DDR2: variants seen among roughly 807,000 people sequenced by gnomAD.
DDR2 encodes discoidin domain-containing receptor 2.
Under a neutral mutation model 94.9 loss-of-function variants are expected in DDR2, and 27 were observed. That is an observed-to-expected ratio of 0.28 (90% CI 0.21 to 0.39). DDR2 has a LOEUF of 0.39. Ranked by LOEUF, DDR2 falls within the 10% of genes least tolerant of loss-of-function variation. The pLI, the probability that DDR2 is intolerant of heterozygous loss-of-function variation, is 1.00. For missense variants in DDR2, 783 were observed against 1,076.0 expected, an observed-to-expected ratio of 0.73 and a Z score of 3.81; for synonymous variants, 382 against 377.2, an observed-to-expected ratio of 1.01 and a Z score of -0.15.
chr1:162,731,369 C>A (rs1343052033), intron 3 of DDR2, among the ~76,000 whole-genome samples: 3 of 152,058 alleles, frequency 2.0e-5, no homozygotes, highest in Non-Finnish European at 2.9e-5. Context: ...TTCCTATTTT[C>A]TTTTTCCTTT....
chr1:162,768,998 A>G (rs1479169465), intron 11 of DDR2, among the ~76,000 whole-genome samples: 1 of 152,214 alleles, frequency 6.6e-6, no homozygotes, highest in Non-Finnish European at 1.5e-5. Flanking sequence ...TGAAGAGGAT[A>G]TGTGACCTTC....
At chr1:162,649,586 C>G (rs2101900395) in intron 1 of DDR2, among the ~76,000 whole-genome samples, 1 of 152,314 alleles carries the variant, frequency 6.6e-6, no homozygotes, top group South Asian at 2.1e-4. Flanking sequence ...TCTGCAATTT[C>G]TCTACTCTGC....
rs958050945 is a variant in DDR2, at chr1:162,710,085, A to G, written c.-27-8952A>G. On this transcript the variant is annotated intron_variant, in intron 2 of 17. Transcript: ENST00000367921. ...TGCCCCTGGAAGAGGGATGTTTTCT[A>G]TAATAGTCATGTGACTCAACATCTT... Among the ~76,000 whole-genome samples the G allele has an allele frequency of 2.6e-5, 4 of 152,202 alleles. No homozygotes were observed. The South Asian group carries it at 6.2e-4, about 24-fold the overall frequency.
At chr1:162,779,187 A>G (rs934096110) in intron 17 of DDR2, among the ~76,000 whole-genome samples, 1 of 152,182 alleles carries the variant, frequency 6.6e-6, no homozygotes, top group Non-Finnish European at 1.5e-5. Context: ...GGGCAGATAT[A>G]TCCTAAACTT....
chr1:162,653,332 T>A (rs1246752689), intron 1 of DDR2, among the ~76,000 whole-genome samples: 1 of 152,064 alleles, frequency 6.6e-6, no homozygotes, highest in Non-Finnish European at 1.5e-5. Flanking sequence ...ATCCCAGCAC[T>A]TTGGGAGGCC....
chr1:162,706,408 G>A (rs956789227), intron 2 of DDR2, among the ~76,000 whole-genome samples: 105 of 152,310 alleles, frequency 6.9e-4, no homozygotes, highest in African/African-American at 2.3e-3. Flanking sequence ...CATCGTCTGA[G>A]CCCACAGGTG....
intron 3 of DDR2, 176 bp downstream of exon 3, chr1:162,719,321 G>A (rs1483508269): frequency 7.8e-6 from 6 of 766,102 alleles, no homozygotes; most frequent in Non-Finnish European, 9.5e-6. Flanking sequence ...TTATATATAT[G>A]TATTTTAATA....
At chr1:162,728,186 A>G (rs986968864) in intron 3 of DDR2, among the ~76,000 whole-genome samples, 2 of 143,934 alleles carry the variant, frequency 1.4e-5, no homozygotes, top group African/African-American at 5.2e-5. Flanking sequence ...ATCTCTTTAT[A>G]TATATATAGA....
chr1:162,762,153 A>G (rs1045193598), intron 9 of DDR2, among the ~76,000 whole-genome samples: 1 of 152,204 alleles, frequency 6.6e-6, no homozygotes, highest in East Asian at 1.9e-4. Context: ...GAGTTTCTTT[A>G]TTCTATTTGC....
At chr1:162,728,092 T>A (rs1054896022) in intron 3 of DDR2, among the ~76,000 whole-genome samples, 19 of 138,072 alleles carry the variant, frequency 1.4e-4, no homozygotes, top group Non-Finnish European at 2.6e-4. Flanking sequence ...ATAGATATAA[T>A]CACACTATAT....
At chr1:162,708,542 CA>C (rs1178418794) in intron 2 of DDR2, among the ~76,000 whole-genome samples, 1 of 152,168 alleles carries the variant, frequency 6.6e-6, no homozygotes, top group East Asian at 1.9e-4. Context: ...CACTCTCACT[CA>C]CGGTATTGAT....
intron 3 of DDR2, among the ~76,000 whole-genome samples, chr1:162,729,477 T>A (rs1335654935): frequency 6.7e-6 from 1 of 148,798 alleles, no homozygotes. Flanking sequence ...TCAGTGAGGT[T>A]TTTTTATGAG....
Position 162,722,393 on chromosome 1 carries a change from A to G in DDR2, c.82+3248A>G, listed in dbSNP as rs73024584. Among the ~76,000 whole-genome samples, 550 of 152,326 alleles carry G rather than the reference A, an allele frequency of 3.6e-3. 2 individuals are homozygous for G. Among genetic ancestry groups the G allele is most frequent in the African/African-American group, 0.012 (518 of 41,578 alleles). ...ATATACATAGTCCTGAATTGTGGGC[A>G]GAGTTCTCAGCTATCTTCCAGCTGC... On this transcript the variant is annotated intron_variant, in intron 3 of 17. Transcript: ENST00000367921.
chr1:162,778,285 T>C (rs1647700610), intron 16 of DDR2, among the ~76,000 whole-genome samples: 1 of 152,168 alleles, frequency 6.6e-6, no homozygotes, highest in Non-Finnish European at 1.5e-5. Flanking sequence ...TCAGGAGCAT[T>C]TTCCCAAGGC....
chr1:162,641,577 A>G (rs991682064), intron 1 of DDR2, among the ~76,000 whole-genome samples: 2 of 152,156 alleles, frequency 1.3e-5, no homozygotes, highest in Non-Finnish European at 2.9e-5. Flanking sequence ...CTCTCACTGT[A>G]TATTAGATTA....
intron 2 of DDR2, among the ~76,000 whole-genome samples, chr1:162,711,744 C>T (rs1322408216): frequency 6.6e-6 from 1 of 152,082 alleles, no homozygotes. Flanking sequence ...TGTTTCTCTT[C>T]ATATCTATAT....
chr1:162,766,285 T>C (rs1663985756), intron 10 of DDR2, among the ~76,000 whole-genome samples: 2 of 152,224 alleles, frequency 1.3e-5, no homozygotes, highest in South Asian at 2.1e-4. Flanking sequence ...AGGCAGAGTC[T>C]GGAGTTGTCC....
At chr1:162,732,410 A>G (rs1662098710) in intron 3 of DDR2, among the ~76,000 whole-genome samples, 1 of 152,192 alleles carries the variant, frequency 6.6e-6, no homozygotes, top group Admixed American at 6.5e-5. Context: ...TGGAAGAACT[A>G]GACCATGGTA....
intron 3 of DDR2, among the ~76,000 whole-genome samples, chr1:162,742,865 A>G (rs1446045214): frequency 1.3e-5 from 2 of 152,182 alleles, no homozygotes; most frequent in Non-Finnish European, 2.9e-5. Flanking sequence ...AAGAAGAAGC[A>G]AAAGCAGAAA....
Sources: gnomAD v4.1 joint callset for allele counts (sites outside exome capture counted in the v4.1 genomes callset) on GRCh38, gnomAD v4.1.1 for gene constraint, MANE v1.5 for transcripts, NCBI Gene and HGNC (gene_info 2026-07-23, HGNC 2026-07-21) for gene names.